Variants in ENTREP2 observed in about 807,000 individuals in gnomAD.
The protein encoded by ENTREP2 is endosomal transmembrane epsin interactor 2, also known as protein ENTREP2.
chr15:29,438,164 G>C, the ENTREP2 span, among the ~76,000 whole-genome samples: 2 of 152,164 alleles, frequency 1.3e-5, no homozygotes, highest in East Asian at 3.9e-4. Flanking sequence ...CTTCAAAAAA[G>C]GAAAGATGAT....
the ENTREP2 span, among the ~76,000 whole-genome samples, chr15:29,130,495 C>T: frequency 2.0e-5 from 3 of 152,076 alleles, no homozygotes; most frequent in Non-Finnish European, 4.4e-5. Context: ...TCTTTTGGAT[C>T]GTAGACGGGT....
At chr15:29,506,441 C>G in the ENTREP2 span, among the ~76,000 whole-genome samples, 1,180 of 152,156 alleles carry the variant, frequency 7.8e-3, 17 homozygotes, top group African/African-American at 0.027. Context: ...AGAGCAACCC[C>G]AAGACACATA....
chr15:29,446,980 C>T, the ENTREP2 span, among the ~76,000 whole-genome samples: 1 of 152,192 alleles, frequency 6.6e-6, no homozygotes. Flanking sequence ...TTTTCGAGGT[C>T]AACTGACCAG....
the ENTREP2 span, among the ~76,000 whole-genome samples, chr15:29,140,511 T>A: frequency 6.6e-6 from 1 of 152,172 alleles, no homozygotes; most frequent in Non-Finnish European, 1.5e-5. Context: ...CTCACTGAAC[T>A]CCATCTGGTT....
the ENTREP2 span, among the ~76,000 whole-genome samples, chr15:29,219,615 A>ATATATATATG: frequency 3.0e-4 from 1 of 3,310 alleles, no homozygotes; most frequent in Non-Finnish European, 6.8e-4. Context: ...TGGTGCATAA[A>ATATATATATG]TATATATATA....
chr15:29,624,428 T>C, the ENTREP2 span, among the ~76,000 whole-genome samples: 2 of 152,198 alleles, frequency 1.3e-5, no homozygotes, highest in Admixed American at 6.5e-5. Context: ...AGTGTAAGGA[T>C]GCATTTTCTT....
chr15:29,611,414 A>G, the ENTREP2 span, among the ~76,000 whole-genome samples: 1 of 152,222 alleles, frequency 6.6e-6, no homozygotes, highest in South Asian at 2.1e-4. Flanking sequence ...ACACTTTGTA[A>G]ATGTAATTTT....
chr15:29,136,861 C>T, the ENTREP2 span, among the ~76,000 whole-genome samples: 6 of 152,180 alleles, frequency 3.9e-5, no homozygotes, highest in South Asian at 2.1e-4. Context: ...CGGCTTCTTT[C>T]GGGTTGCGTT....
the ENTREP2 span, among the ~76,000 whole-genome samples, chr15:29,176,484 G>A: frequency 6.6e-6 from 1 of 152,180 alleles, no homozygotes; most frequent in African/African-American, 2.4e-5. Context: ...AGAGGCCAGA[G>A]GAGAGAAGAG....
chr15:29,446,275 A>G, the ENTREP2 span, among the ~76,000 whole-genome samples: 209 of 152,326 alleles, frequency 1.4e-3, no homozygotes, highest in Admixed American at 8.7e-3. Context: ...ACACGGACTA[A>G]GACACCAACT....
chr15:29,594,363 G>A, the ENTREP2 span, among the ~76,000 whole-genome samples: 1 of 152,168 alleles, frequency 6.6e-6, no homozygotes, highest in Non-Finnish European at 1.5e-5. Context: ...TTCCTAGCGT[G>A]TAGGAGCTTC....
At chr15:29,201,166 T>C in the ENTREP2 span, among the ~76,000 whole-genome samples, 2 of 152,224 alleles carry the variant, frequency 1.3e-5, no homozygotes, top group Non-Finnish European at 2.9e-5. Flanking sequence ...GTTCTGTTTG[T>C]TTTTTAAAGA....
At chr15:29,269,529 C>T in the ENTREP2 span, 12 of 1,525,140 alleles carry the variant, frequency 7.9e-6, 1 homozygote, top group South Asian at 6.1e-5. Flanking sequence ...GGCCCTGCGA[C>T]CCCTGCGAGC....
chr15:29,206,714 G>T, the ENTREP2 span, among the ~76,000 whole-genome samples: 1 of 152,086 alleles, frequency 6.6e-6, no homozygotes, highest in Non-Finnish European at 1.5e-5. Flanking sequence ...CTCTAAAATT[G>T]ACTGGGGTGG....
chr15:29,400,985 T>C, the ENTREP2 span, among the ~76,000 whole-genome samples: 2 of 152,338 alleles, frequency 1.3e-5, no homozygotes, highest in South Asian at 4.1e-4. Flanking sequence ...GTGCTACCTC[T>C]TGCCCTCCTC....
At chr15:29,343,445 C>G in the ENTREP2 span, among the ~76,000 whole-genome samples, 1 of 152,236 alleles carries the variant, frequency 6.6e-6, no homozygotes, top group Middle Eastern at 3.4e-3. Flanking sequence ...TTCCAGCCTG[C>G]AGAATTCAGA....
chr15:29,166,460 G>T, the ENTREP2 span, among the ~76,000 whole-genome samples: 6 of 152,098 alleles, frequency 3.9e-5, no homozygotes, highest in Admixed American at 3.3e-4. Flanking sequence ...ACTGATAAAA[G>T]AATTCAGCAA....
the ENTREP2 span, among the ~76,000 whole-genome samples, chr15:29,202,655 G>A: frequency 8.6e-5 from 13 of 152,034 alleles, no homozygotes; most frequent in Middle Eastern, 3.4e-3. Flanking sequence ...CCCCTGACAG[G>A]CCCTGGTATG....
the ENTREP2 span, among the ~76,000 whole-genome samples, chr15:29,479,858 C>T: frequency 1.3e-5 from 2 of 152,096 alleles, no homozygotes; most frequent in South Asian, 2.1e-4. Flanking sequence ...ATTGTAGCAG[C>T]TGCTTGAGGC....
Sources: allele counts gnomAD v4.1 joint callset (sites outside exome capture counted in the v4.1 genomes callset), GRCh38; gene constraint gnomAD v4.1.1; transcripts MANE v1.5; gene names NCBI Gene and HGNC (gene_info 2026-07-23, HGNC 2026-07-21).